CRYBG3: variants seen among roughly 807,000 people sequenced by gnomAD.
The protein encoded by CRYBG3 is crystallin beta-gamma domain containing 3, also known as very large A-kinase anchor protein.
Under a neutral mutation model 244.2 loss-of-function variants are expected in CRYBG3, and 127 were observed. That is an observed-to-expected ratio of 0.52 (90% confidence interval 0.45 to 0.60). The LOEUF (loss-of-function observed/expected upper bound fraction) is 0.60. CRYBG3 is among the 20% of genes least tolerant of loss of function. The pLI, the probability that CRYBG3 is intolerant of heterozygous loss-of-function variation, is 0.00. For synonymous variants in CRYBG3, 1,132 were observed against 1,195.8 expected, an observed-to-expected ratio of 0.95 and a Z score of 1.10; for missense variants, 3,325 against 3,442.5, an observed-to-expected ratio of 0.97 and a Z score of 0.85.
At position 97,875,038 on chromosome 3, in the gene CRYBG3, A is replaced by G. The variant is rs1476584987; in HGVS notation, c.3844A>G (p.Thr1282Ala). The G allele has an allele frequency of 3.3e-6, 5 of 1,534,972 alleles. No individual in the cohort carries two copies. Among genetic ancestry groups the G allele is most frequent in the Middle Eastern group, 1.7e-4 (1 of 5,992 alleles). The change falls in exon 4 of 22, where the codon ACA (threonine) becomes GCA (alanine). Residue 1282 changes from threonine (T) to alanine (A), a missense_variant. Transcript: ENST00000389622. ...CAAAGAGAAGCCCTGTGTTTCACCA[A>G]CAGTTGGTGAGAAGAATCTTCTTGT... ...EVKEKPCVSPTVGEKNLLVDP... is the reference protein window; with the variant it reads ...EVKEKPCVSPAVGEKNLLVDP...
intron 7 of CRYBG3, among the ~76,000 whole-genome samples, chr3:97,881,498 C>A (rs1267094538): frequency 6.7e-6 from 1 of 148,258 alleles, no homozygotes; most frequent in East Asian, 2.0e-4. Flanking sequence ...GGCAGATGAC[C>A]TAAGATTGGG....
At chr3:97,880,417 A>G (rs537650591) in intron 6 of CRYBG3, among the ~76,000 whole-genome samples, 1 of 152,362 alleles carries the variant, frequency 6.6e-6, no homozygotes, top group Admixed American at 6.5e-5. Context: ...AGTTGAATGA[A>G]GCATAGCTTT....
At chr3:97,853,656 C>T (rs1364638265) in intron 2 of CRYBG3, among the ~76,000 whole-genome samples, 2 of 152,118 alleles carry the variant, frequency 1.3e-5, no homozygotes, top group African/African-American at 4.8e-5. Flanking sequence ...AATGATTGTA[C>T]TAGTTTACAG....
At chr3:97,827,068 C>T (rs2038587580) in intron 1 of CRYBG3, among the ~76,000 whole-genome samples, 1 of 152,216 alleles carries the variant, frequency 6.6e-6, no homozygotes, top group Non-Finnish European at 1.5e-5. Context: ...GGAAATGCTG[C>T]CCCTTGGTTC....
At chr3:97,887,172 G>T (rs918188205) in intron 8 of CRYBG3, among the ~76,000 whole-genome samples, 1 of 152,144 alleles carries the variant, frequency 6.6e-6, no homozygotes, top group African/African-American at 2.4e-5. Flanking sequence ...GGCAGATGGT[G>T]TTACTCTCAT....
intron 15 of CRYBG3, among the ~76,000 whole-genome samples, chr3:97,910,125 G>A (rs1398661734): frequency 2.0e-4 from 30 of 151,758 alleles, no homozygotes; most frequent in Admixed American, 2.0e-4. Context: ...CCAGCTGCGT[G>A]CTGAGAGAAC....
At chr3:97,879,779 G>A (rs772364463) in intron 5 of CRYBG3, 31 bp downstream of exon 5, 115 of 1,507,364 alleles carry the variant, frequency 7.6e-5, no homozygotes, top group Non-Finnish European at 1.0e-4. Context: ...CTAAGATAAA[G>A]GTTAAACATT....
At chr3:97,837,392 GCTTCT>G (rs1451680194) in intron 1 of CRYBG3, among the ~76,000 whole-genome samples, 2 of 152,072 alleles carry the variant, frequency 1.3e-5, no homozygotes, top group African/African-American at 4.8e-5. Flanking sequence ...AGTGGACCAG[GCTTCT>G]GGAACCAGCA....
At chr3:97,852,464 A>G (rs932853895) in intron 2 of CRYBG3, among the ~76,000 whole-genome samples, 1 of 152,132 alleles carries the variant, frequency 6.6e-6, no homozygotes, top group African/African-American at 2.4e-5. Flanking sequence ...GAGGTAGCCC[A>G]ATTGTCTGGA....
intron 18 of CRYBG3, among the ~76,000 whole-genome samples, chr3:97,935,323 G>A (rs987693565): frequency 2.0e-5 from 3 of 151,962 alleles, no homozygotes; most frequent in Non-Finnish European, 2.9e-5. Context: ...AATCTGCAGC[G>A]GGAGAGGCAG....
chr3:97,822,450 C>A, intron 1 of CRYBG3, 95 bp downstream of exon 1: 1 of 1,201,080 alleles, frequency 8.3e-7, no homozygotes, highest in Non-Finnish European at 1.1e-6. Flanking sequence ...GCTCTTGGGC[C>A]AGGCTGCAGT....
intron 2 of CRYBG3, 60 bp from the exon 3 acceptor site, chr3:97,864,157 T>C (rs924577459): frequency 3.2e-5 from 41 of 1,279,800 alleles, no homozygotes; most frequent in Non-Finnish European, 4.3e-5. Context: ...TATAATAGCT[T>C]ATCAGTCTGT....
At chr3:97,892,521 C>T (rs1049279005) in intron 10 of CRYBG3, among the ~76,000 whole-genome samples, 1 of 152,146 alleles carries the variant, frequency 6.6e-6, no homozygotes. Context: ...TCTACCCAAG[C>T]TTCACCATAA....
chr3:97,865,495 T>C (rs370392334), intron 3 of CRYBG3, among the ~76,000 whole-genome samples: 112 of 152,292 alleles, frequency 7.4e-4, no homozygotes, highest in African/African-American at 2.5e-3. Flanking sequence ...AAACGTGTGA[T>C]TTAGGCACAG....
In CRYBG3 at chr3:97,911,553, A is replaced by G. The variant is rs146385628; in HGVS notation, c.8005-614A>G. Among the ~76,000 whole-genome samples the G allele has an allele frequency of 8.1e-4, 124 of 152,356 alleles. No homozygotes were observed. The East Asian group carries it at 0.02, about 24-fold the overall frequency. ...AACCGAAGCCTGTAAGCTGAAATAC[A>G]TAACACAGATATCTTTCTTTCTTCA... On this transcript the variant is annotated intron_variant, in intron 15 of 21. Coordinates refer to ENST00000389622, the MANE Select transcript of CRYBG3 (RefSeq NM_153605.4).
chr3:97,857,417 GTT>G (rs1284270197), intron 2 of CRYBG3, among the ~76,000 whole-genome samples: 18 of 130,966 alleles, frequency 1.4e-4, no homozygotes, highest in Admixed American at 1.5e-4. Flanking sequence ...ATTTCCTTAA[GTT>G]TTTTTTTTTT....
chr3:97,896,962 T>G (rs2039646958), intron 12 of CRYBG3, among the ~76,000 whole-genome samples: 1 of 151,996 alleles, frequency 6.6e-6, no homozygotes, highest in African/African-American at 2.4e-5. Context: ...TGAAGGGCCA[T>G]ATTGAGTAGT....
At chr3:97,850,229 C>T (rs1160830623) in intron 2 of CRYBG3, among the ~76,000 whole-genome samples, 5 of 152,102 alleles carry the variant, frequency 3.3e-5, no homozygotes, top group South Asian at 2.1e-4. Flanking sequence ...TTCCTTCATA[C>T]GCATACCCAT....
Position 97,886,894 on chromosome 3 carries a change from G to A in CRYBG3, c.7289+127G>A, listed in dbSNP as rs558684507. ...TCTCAGTCACCCAAGAAAGACTGCA[G>A]GGGTTAAAAGATTCTTTGGATCTAA... On this transcript the variant is annotated intron_variant, in intron 8 of 21. Coordinates refer to ENST00000389622, the MANE Select transcript of CRYBG3 (RefSeq NM_153605.4). 3.7e-5 allele frequency: 27 copies of A among 728,660 alleles called. 1 individual carries two copies. The Admixed American group carries it at 6.9e-4, about 19-fold the overall frequency. 45.1% of individuals were successfully genotyped at this position (728,660 alleles called of 1,614,324 possible).
Sources: allele counts gnomAD v4.1 joint callset (sites outside exome capture counted in the v4.1 genomes callset), GRCh38; gene constraint gnomAD v4.1.1; transcripts MANE v1.5; gene names NCBI Gene and HGNC (gene_info 2026-07-23, HGNC 2026-07-21).